TUBGCP6: variants seen among roughly 807,000 people sequenced by gnomAD.
The protein encoded by TUBGCP6 is tubulin gamma complex component 6, also known as gamma-tubulin complex component 6.
TUBGCP6 carries 161 observed loss-of-function variants against 175.8 expected under a neutral mutation model. The observed-to-expected ratio is 0.92, with a 90% CI of 0.81 to 1.04. TUBGCP6 has a LOEUF of 1.04. TUBGCP6 is among the 50% of genes least tolerant of loss of function. The pLI is 0.00. For synonymous variants in TUBGCP6, 1,173 were observed against 1,030.5 expected, an observed-to-expected ratio of 1.14 and a Z score of -2.65; for missense variants, 2,572 against 2,433.0, an observed-to-expected ratio of 1.06 and a Z score of -1.20.
At position 50,228,379 on chromosome 22, in the gene TUBGCP6, T is replaced by C. The variant is rs1482906976; in HGVS notation, c.1291-351A>G. On this transcript the variant is annotated intron_variant, in intron 4 of 24. Transcript: ENST00000248846. ...TCTGAGCCCAGCTGCCCCAGGGGCA[T>C]GGCAAAGGGGCTGGGGGGGAAATGG... Among the ~76,000 whole-genome samples, 4 of 149,930 alleles carry C rather than the reference T, an allele frequency of 2.7e-5. No individual in the cohort carries two copies. In the East Asian group the frequency reaches 7.8e-4, roughly 29 times the overall value.
chr22:50,232,644 A>G (rs571486968), intron 3 of TUBGCP6, among the ~76,000 whole-genome samples: 1 of 152,292 alleles, frequency 6.6e-6, no homozygotes, highest in Admixed American at 6.5e-5. Flanking sequence ...GGTGTTGAGA[A>G]CAGGCGCCCT....
chr22:50,225,870 A>C lies in TUBGCP6; in HGVS notation c.1907T>G (p.Ile636Ser). Reference protein sequence around the residue: ...VIFSLEELKEIEKDCAVYVGR... With the variant: ...VIFSLEELKESEKDCAVYVGR... ...AACGTAGACGGCACAGTCCTTCTCA[A>C]TCTCCTTCAACTCCTCAAGGGAGAA... The change falls in exon 10 of 25, where the codon ATT becomes AGT. Residue 636 changes from isoleucine to serine, a missense_variant. Transcript: ENST00000248846. 1.2e-6 allele frequency: 2 copies of C among 1,613,768 alleles called. No homozygotes were observed.
Position 50,233,477 on chromosome 22 carries a change from C to A in TUBGCP6, c.955G>T (p.Ala319Ser). 1 of 1,611,774 alleles carries A rather than the reference C, an allele frequency of 6.2e-7. No individual in the cohort carries two copies. The highest frequency in any genetic ancestry group is 8.5e-7 in the Non-Finnish European group (1 of 1,179,040). Residue 319 changes from alanine (A) to serine (S), a missense_variant, in exon 3 of 25, where the codon GCT (alanine) becomes TCT (serine). Coordinates refer to ENST00000248846, the MANE Select transcript of TUBGCP6 (RefSeq NM_020461.4). The stretch of plus-strand genomic sequence containing the variant: ...TGGAGCCTGCAGAACTTGTCGAAAG[C>A]GTCCCTTCCCGCCTCCGTCAGGTAA... ...EPYLTEAGRD[A>S]FDKFCRLHQG...
chr22:50,235,937 C>T (rs1601603385), intron 2 of TUBGCP6, among the ~76,000 whole-genome samples: 2 of 138,068 alleles, frequency 1.4e-5, no homozygotes. Context: ...AAGACTCCAT[C>T]TCGGAAAAAA....
Position 50,226,862 on chromosome 22 carries a change from T to TG in TUBGCP6, c.1492-21dup, listed in dbSNP as rs1223115596. The TG allele has an allele frequency of 5.1e-6, 8 of 1,566,888 alleles. No homozygotes were observed. Among genetic ancestry groups the TG allele is most frequent in the South Asian group, 2.3e-5 (2 of 85,648 alleles). The stretch of plus-strand genomic sequence containing the variant: ...CACGCCCTGCAGACCGCAAAGGGGG[T>TG]GGGGGGCAGCTCAGCGCACCCAGCG... On this transcript the variant is annotated intron_variant, in intron 6 of 24. Transcript: ENST00000248846.
At position 50,221,732 on chromosome 22, in the gene TUBGCP6, GC is replaced by G; in HGVS notation, c.2626del (p.Ala876LeufsTer82). Reference protein sequence around the residue: ...PQPLKPLAVGAGGRGLQQAEG... With the variant: ...PQPLKPLAVGXGGRGLQQAEG... ...CGCCTGCTGCAGCCCCCTGCCACCA[GC>G]CCCCACTGCTAGAGGCTTAAGGGGC... On this transcript the variant is annotated frameshift_variant, in exon 16 of 25. Transcript: ENST00000248846. LOFTEE classifies it high-confidence loss of function. 6.6e-7 allele frequency: 1 copy of G among 1,516,208 alleles called. No homozygotes were observed. The highest frequency in any genetic ancestry group is 8.8e-7 in the Non-Finnish European group (1 of 1,133,502). 93.9% of individuals were successfully genotyped at this position (1,516,208 alleles called of 1,614,324 possible).
At position 50,224,235 on chromosome 22, in the gene TUBGCP6, C is replaced by T. The variant is rs1160371469; in HGVS notation, c.2176G>A (p.Glu726Lys). The change falls in exon 13 of 25, where the codon GAG becomes AAG. Residue 726 changes from glutamate (E) to lysine (K), a missense_variant. Physicochemically the swap from Glu to Lys is moderately conservative, Grantham distance 56. Coordinates refer to ENST00000248846, the MANE Select transcript of TUBGCP6 (RefSeq NM_020461.4). ...TAGCTGAAGTCATCATCCAGCTCCT[C>T]CTGCCTGGCCGCCTGGCGTCGCTAT... The part of the protein sequence containing the change: ...DQERRQAARQ[E>K]ELDDDFSYAR... 3 of 1,614,048 alleles carry T rather than the reference C, an allele frequency of 1.9e-6. No individual in the cohort carries two copies. Among genetic ancestry groups the T allele is most frequent in the Non-Finnish European group, 2.5e-6 (3 of 1,180,056 alleles).
At chr22:50,218,140 G>A (rs1323197608) in intron 23 of TUBGCP6, 23 bp from the exon 24 acceptor site, 3 of 1,610,784 alleles carry the variant, frequency 1.9e-6, no homozygotes, top group East Asian at 2.2e-5. Flanking sequence ...AGTGCTGCTG[G>A]GTGGGCTGAG....
chr22:50,231,635 G>A (rs191610086), intron 3 of TUBGCP6, among the ~76,000 whole-genome samples: 9 of 151,206 alleles, frequency 6.0e-5, no homozygotes, highest in African/African-American at 9.7e-5. Context: ...CGAGACGGGC[G>A]GATCACAATG....
chr22:50,241,051 A>C (rs1036105419), intron 1 of TUBGCP6, among the ~76,000 whole-genome samples: 8 of 152,254 alleles, frequency 5.3e-5, no homozygotes, highest in Non-Finnish European at 8.8e-5. Context: ...ACAATAAAAT[A>C]TATAGAACAA....
rs2064607985 is a variant in TUBGCP6 at position 50,226,304 on chromosome 22, T to G, written c.1676A>C (p.Glu559Ala). 6.2e-7 allele frequency: 1 copy of G among 1,613,894 alleles called. No homozygotes were observed. Among genetic ancestry groups the G allele is most frequent in the Non-Finnish European group, 8.5e-7 (1 of 1,179,974 alleles). ...CCACCTACCTCGGAAGCTGAGGTAC[T>G]CGTGGTTCACCTGAATCATGAACTC... is the stretch of plus-strand genomic sequence containing the variant. ...YGEFMIQVNHEYLSFRDKLYW... is the reference protein window; with the variant it reads ...YGEFMIQVNHAYLSFRDKLYW... Residue 559 changes from glutamate (E) to alanine (A), a missense_variant, in exon 8 of 25, where the codon GAG (glutamate) becomes GCG (alanine). Physicochemically the swap from Glu to Ala is moderately radical, Grantham distance 107. Transcript: ENST00000248846.
chr22:50,218,441 A>G (rs1272042153), intron 22 of TUBGCP6, 39 bp from the exon 23 acceptor site: 1 of 1,612,716 alleles, frequency 6.2e-7, no homozygotes, highest in Non-Finnish European at 8.5e-7. Context: ...AGGTGAGCGC[A>G]GCCTCCAGCC....
At chr22:50,227,438 C>T (rs948491166) in intron 5 of TUBGCP6, among the ~76,000 whole-genome samples, 7 of 152,162 alleles carry the variant, frequency 4.6e-5, no homozygotes, top group Non-Finnish European at 4.4e-5. Context: ...AACTCGCACC[C>T]TTCACAGCCC....
In TUBGCP6 at chr22:50,244,489, G is replaced by A. The variant is rs2064893448; in HGVS notation, c.-30C>T. Reference sequence around the variant, plus strand: ...CTTCTCAGCTCCGGGCCCCCGGCGTGTGGGAAAACACCTCACCCGGGCTTC... The same window carrying A: ...CTTCTCAGCTCCGGGCCCCCGGCGTATGGGAAAACACCTCACCCGGGCTTC... On this transcript the variant is annotated 5_prime_UTR_variant, in exon 1 of 25. Coordinates refer to ENST00000248846, the MANE Select transcript of TUBGCP6 (RefSeq NM_020461.4). 13 of 1,582,498 alleles carry A rather than the reference G, an allele frequency of 8.2e-6. No homozygotes were observed. The highest frequency in any genetic ancestry group is 1.1e-5 in the Non-Finnish European group (13 of 1,165,690).
chr22:50,221,661 G>A lies in TUBGCP6; in HGVS notation c.2698C>T (p.Leu900=). The part of the protein sequence containing the change: ...FSDSLSIGDF[L]PVGPGAEPSV... The stretch of plus-strand genomic sequence containing the variant: ...GGCTCAGCCCCTGGGCCCACAGGTA[G>A]GAAGTCTCCAATGCTGAGGCTGTCA... The change falls in exon 16 of 25, where the codon CTA becomes TTA. Residue 900 remains leucine (L), a synonymous_variant. Transcript: ENST00000248846. The A allele has an allele frequency of 6.6e-7, 1 of 1,521,828 alleles. No individual in the cohort carries two copies. The highest frequency in any genetic ancestry group is 1.3e-5 in the South Asian group (1 of 75,854). 94.3% of individuals were successfully genotyped at this position (1,521,828 alleles called of 1,614,324 possible). A position where few individuals can be genotyped will look rare whatever the true frequency, so the allele number is the denominator to read the frequency against.
chr22:50,222,180 A>G, intron 14 of TUBGCP6, 78 bp from the exon 15 acceptor site: 4 of 1,467,996 alleles, frequency 2.7e-6, no homozygotes, highest in Non-Finnish European at 2.8e-6. Flanking sequence ...CACAGCCCCT[A>G]CCGCCCATGG....
intron 18 of TUBGCP6, 63 bp downstream of exon 18, chr22:50,219,581 T>C (rs1602505780): frequency 6.3e-7 from 1 of 1,595,994 alleles, no homozygotes. Flanking sequence ...CCACAGGAGG[T>C]GGAGCACGTG....
At chr22:50,240,095 C>T in intron 2 of TUBGCP6, 109 bp downstream of exon 2, 4 of 1,479,890 alleles carry the variant, frequency 2.7e-6, no homozygotes, top group Non-Finnish European at 3.7e-6. Flanking sequence ...ACTAACCCAT[C>T]ACAACTGCCT....
rs1233053289 is a variant in TUBGCP6 at position 50,229,477 on chromosome 22, C to T, written c.1217G>A (p.Cys406Tyr). The T allele has an allele frequency of 1.9e-6, 3 of 1,612,992 alleles. No homozygotes were observed. The highest frequency in any genetic ancestry group is 2.5e-6 in the Non-Finnish European group (3 of 1,179,698). ...AGAGAAATGACTCAGGCGCGTGTAG[C>T]AGGTCCCATACTCGGCCACTTCCGA... ...LLSEVAEYGT[C>Y]YTRLSHFSLQ... The change falls in exon 4 of 25, where the codon TGC (cysteine) becomes TAC (tyrosine). Residue 406 changes from cysteine (C) to tyrosine (Y), a missense_variant. Physicochemically the swap from Cys to Tyr is radical, Grantham distance 194. Transcript: ENST00000248846.
Sources: gnomAD v4.1 joint callset for allele counts (sites outside exome capture counted in the v4.1 genomes callset) on GRCh38, gnomAD v4.1.1 for gene constraint, MANE v1.5 for transcripts, NCBI Gene and HGNC (gene_info 2026-07-23, HGNC 2026-07-21) for gene names.